The following ADK variants were observed in gnomAD, a reference collection of about 807,000 sequenced individuals.
The protein encoded by ADK is N6,N6-dimethyladenosine kinase.
In ADK, 24 loss-of-function variants were observed where a neutral mutation model predicts 44.7. That is an observed-to-expected ratio of 0.54 (90% confidence interval 0.39 to 0.76). ADK has a LOEUF of 0.76. ADK is among the 30% of genes least tolerant of loss of function. The pLI, the probability that ADK is intolerant of heterozygous loss-of-function variation, is 0.00. For synonymous variants in ADK, 128 were observed against 142.6 expected (o/e 0.90, Z 0.73); for missense variants, 321 against 425.1 (o/e 0.76, Z 2.15).
chr10:74,480,168 T>A lies in ADK; in HGVS notation c.556-45088T>A, dbSNP rs1262282244. Among the ~76,000 whole-genome samples, 4 of 152,096 alleles carry A rather than the reference T, an allele frequency of 2.6e-5. 1 individual carries two copies. In the South Asian group the frequency reaches 8.3e-4, roughly 32 times the overall value. Reference sequence around the variant, plus strand: ...TGGAAATAATGTTCTAGTTTTGTCTTGCTTTGTGTTTTGCTCTTGAAGTCT... The same window carrying A: ...TGGAAATAATGTTCTAGTTTTGTCTAGCTTTGTGTTTTGCTCTTGAAGTCT... On this transcript the variant is annotated intron_variant, in intron 6 of 10. Transcript: ENST00000539909.
chr10:74,333,361 G>A (rs1478323938), intron 4 of ADK, among the ~76,000 whole-genome samples: 2 of 152,120 alleles, frequency 1.3e-5, no homozygotes, highest in Non-Finnish European at 2.9e-5. Context: ...GCAGGGATAC[G>A]AATGAGAAGT....
At chr10:74,203,269 G>A (rs759024109) in intron 2 of ADK, among the ~76,000 whole-genome samples, 2 of 152,100 alleles carry the variant, frequency 1.3e-5, no homozygotes, top group Admixed American at 1.3e-4. Context: ...AGATATATGG[G>A]TAAATTTCTG....
intron 3 of ADK, among the ~76,000 whole-genome samples, chr10:74,299,476 G>C (rs1839927033): frequency 6.9e-6 from 1 of 145,508 alleles, no homozygotes; most frequent in South Asian, 2.2e-4. Context: ...CTCCAGCCTG[G>C]GTGACACAGC....
intron 4 of ADK, among the ~76,000 whole-genome samples, chr10:74,361,599 G>A (rs1456893679): frequency 6.6e-6 from 1 of 152,132 alleles, no homozygotes; most frequent in Non-Finnish European, 1.5e-5. Flanking sequence ...AATTGTTGTA[G>A]TTATTATTTT....
At chr10:74,665,758 AGAG>A (rs1854926936) in intron 9 of ADK, among the ~76,000 whole-genome samples, 1 of 150,910 alleles carries the variant, frequency 6.6e-6, no homozygotes. Context: ...AGAGAGAGAG[AGAG>A]AGAGAGAGAG....
chr10:74,673,227 C>G (rs1855248344), intron 10 of ADK, among the ~76,000 whole-genome samples: 1 of 152,168 alleles, frequency 6.6e-6, no homozygotes. Context: ...CAACCAAGAG[C>G]TTTTTGCTAA....
At chr10:74,572,973 T>A (rs559181029) in intron 7 of ADK, among the ~76,000 whole-genome samples, 1 of 152,320 alleles carries the variant, frequency 6.6e-6, no homozygotes, top group Admixed American at 6.5e-5. Flanking sequence ...TCGGAGTAGT[T>A]TGATCATCTG....
chr10:74,435,322 C>T (rs1282303667), intron 6 of ADK, among the ~76,000 whole-genome samples: 1 of 152,126 alleles, frequency 6.6e-6, no homozygotes, highest in African/African-American at 2.4e-5. Flanking sequence ...ACTTGAGCCT[C>T]ACAGTAATCC....
chr10:74,474,431 CTT>C (rs1275266747), intron 6 of ADK, among the ~76,000 whole-genome samples: 1 of 151,838 alleles, frequency 6.6e-6, no homozygotes, highest in Non-Finnish European at 1.5e-5. Context: ...ATTCAGTAGT[CTT>C]TTCTTTTCTT....
intron 9 of ADK, chr10:74,655,274 C>A: frequency 2.2e-6 from 1 of 464,708 alleles, no homozygotes; most frequent in South Asian, 1.9e-5. Flanking sequence ...AGTCTCACTC[C>A]ATCTTTGAGA....
At chr10:74,579,318 A>AT (rs967356700) in intron 7 of ADK, among the ~76,000 whole-genome samples, 1 of 152,092 alleles carries the variant, frequency 6.6e-6, no homozygotes, top group Admixed American at 6.6e-5. Context: ...GTCCTGATAC[A>AT]TTTTTTTAAA....
intron 3 of ADK, among the ~76,000 whole-genome samples, chr10:74,278,934 AACAT>A (rs1846808029): frequency 6.6e-6 from 1 of 152,186 alleles, no homozygotes; most frequent in Non-Finnish European, 1.5e-5. Flanking sequence ...TTTATTTTTT[AACAT>A]AATGATTTTT....
chr10:74,642,319 T>C (rs1160132783), intron 9 of ADK, among the ~76,000 whole-genome samples: 1 of 151,632 alleles, frequency 6.6e-6, no homozygotes, highest in East Asian at 1.9e-4. Context: ...CTCAATTTTT[T>C]TTTCTTTTTT....
In ADK at chr10:74,602,081, G is replaced by T. The variant is rs1004501167; in HGVS notation, c.877+1588G>T. On this transcript the variant is annotated intron_variant, in intron 9 of 10. Coordinates refer to ENST00000539909, the MANE Select transcript of ADK (RefSeq NM_006721.4). The stretch of plus-strand genomic sequence containing the variant: ...GATCTCTCCACTGCACCCCAGCATG[G>T]ATGACAGACCAAGACCCTGTCTCCA... Among the ~76,000 whole-genome samples, 5 of 120,050 alleles carry T rather than the reference G, an allele frequency of 4.2e-5. No individual in the cohort carries two copies. In the South Asian group the frequency reaches 8.6e-4, roughly 21 times the overall value. 78.8% of individuals were successfully genotyped at this position (120,050 alleles called of 152,430 possible). A position where few individuals can be genotyped will look rare whatever the true frequency, so the allele number is the denominator to read the frequency against.
intron 7 of ADK, among the ~76,000 whole-genome samples, chr10:74,569,463 G>A (rs996421689): frequency 1.1e-4 from 16 of 152,076 alleles, no homozygotes; most frequent in African/African-American, 3.6e-4. Context: ...TTTAATGATC[G>A]CCATTCTAAC....
intron 3 of ADK, among the ~76,000 whole-genome samples, chr10:74,290,494 G>A (rs1246522644): frequency 6.6e-6 from 1 of 151,872 alleles, no homozygotes; most frequent in Non-Finnish European, 1.5e-5. Flanking sequence ...GACTGAAGAA[G>A]TCTTCCAATT....
chr10:74,372,390 GT>G lies in ADK; in HGVS notation c.274-21750del. On this transcript the variant is annotated intron_variant, in intron 4 of 10. Transcript: ENST00000539909. ...TCCCAATGCTCAGGCCATTGAATGG[GT>G]AGGAGCAAACACTGAAAGGTCTTAA... 4.1e-6 allele frequency: 3 copies of G among 728,866 alleles called. No individual in the cohort carries two copies. The South Asian group carries it at 4.1e-5, about 10-fold the overall frequency. 45.1% of individuals were successfully genotyped at this position (728,866 alleles called of 1,614,324 possible).
At chr10:74,532,773 C>T (rs973234539) in intron 7 of ADK, among the ~76,000 whole-genome samples, 3 of 151,650 alleles carry the variant, frequency 2.0e-5, no homozygotes, top group African/African-American at 2.4e-5. Context: ...TGGTGGCACA[C>T]GCCTGTAATT....
intron 1 of ADK, among the ~76,000 whole-genome samples, chr10:74,160,492 G>A (rs1841858933): frequency 6.6e-6 from 1 of 152,156 alleles, no homozygotes; most frequent in African/African-American, 2.4e-5. Context: ...ACACACCACT[G>A]GCTGACCCTT....
Sources: allele counts gnomAD v4.1 joint callset (sites outside exome capture counted in the v4.1 genomes callset), GRCh38; gene constraint gnomAD v4.1.1; transcripts MANE v1.5; gene names NCBI Gene and HGNC (gene_info 2026-07-23, HGNC 2026-07-21).